The following PMFBP1 variants were observed in gnomAD, a reference collection of about 807,000 sequenced individuals.
The protein encoded by PMFBP1 is polyamine-modulated factor 1-binding protein 1.
A neutral mutation model predicts 137.8 loss-of-function variants in PMFBP1; 131 were observed. The observed-to-expected ratio is 0.95, with a 90% CI of 0.82 to 1.10. The LOEUF (loss-of-function observed/expected upper bound fraction) is 1.10. Among genes scored for constraint, PMFBP1 ranks in the 50% least tolerant of loss-of-function variants. The probability of loss-of-function intolerance (pLI) is 0.00; values close to 1 mark genes in which losing one functional copy is unlikely to be tolerated. For synonymous variants in PMFBP1, 490 were observed against 450.4 expected, an observed-to-expected ratio of 1.09 and a Z score of -1.11; for missense variants, 1,199 against 1,175.4, an observed-to-expected ratio of 1.02 and a Z score of -0.29.
At chr16:72,201,099 G>T in the PMFBP1 span, among the ~76,000 whole-genome samples, 1 of 152,188 alleles carries the variant, frequency 6.6e-6, no homozygotes, top group Non-Finnish European at 1.5e-5. Context: ...GAGCTCTCAA[G>T]ACTGGTGCAG....
At chr16:72,167,201 T>C (rs901487667) in intron 2 of PMFBP1, among the ~76,000 whole-genome samples, 1 of 152,216 alleles carries the variant, frequency 6.6e-6, no homozygotes, top group Non-Finnish European at 1.5e-5. Context: ...GAATTGGACA[T>C]TGCAATGTCA....
intron 2 of PMFBP1, among the ~76,000 whole-genome samples, chr16:72,167,109 A>T (rs139471120): frequency 6.6e-6 from 1 of 152,304 alleles, no homozygotes; most frequent in African/African-American, 2.4e-5. Context: ...CCTGATATGG[A>T]CATCGTAAAT....
intron 10 of PMFBP1, among the ~76,000 whole-genome samples, chr16:72,132,357 T>A (rs952250120): frequency 6.6e-6 from 1 of 151,900 alleles, no homozygotes; most frequent in Non-Finnish European, 1.5e-5. Context: ...AGAAATGTAT[T>A]TGGGGGCAAA....
rs373552286 is a variant in PMFBP1, at chr16:72,125,974, G to C, written c.2247C>G (p.Leu749=). 3 of 1,614,064 alleles carry C rather than the reference G, an allele frequency of 1.9e-6. No individual in the cohort carries two copies. The highest frequency in any genetic ancestry group is 2.5e-6 in the Non-Finnish European group (3 of 1,179,974). Residue 749 remains leucine, a synonymous_variant, in exon 15 of 21, where the codon CTC becomes CTG. Coordinates refer to ENST00000237353, the MANE Select transcript of PMFBP1 (RefSeq NM_031293.3). ...CTAGAGGGTGTGGCCTCACCTTCTC[G>C]AGGGCTTGTGTCAGGTCATCCTGGC... ...AACQDDLTQA[L]EKLNHVTSET... is the part of the protein sequence containing the mutation.
the PMFBP1 span, among the ~76,000 whole-genome samples, chr16:72,236,057 C>A: frequency 1.3e-5 from 2 of 152,060 alleles, no homozygotes; most frequent in Non-Finnish European, 2.9e-5. Context: ...TAGATGTTTT[C>A]TCTTGTTCCT....
the PMFBP1 span, among the ~76,000 whole-genome samples, chr16:72,231,056 GAT>G: frequency 1.3e-5 from 2 of 152,144 alleles, no homozygotes; most frequent in Non-Finnish European, 2.9e-5. Context: ...AACAATGAAT[GAT>G]ATATCAGTTC....
chr16:72,247,996 A>C, the PMFBP1 span, among the ~76,000 whole-genome samples: 2 of 152,206 alleles, frequency 1.3e-5, no homozygotes, highest in African/African-American at 4.8e-5. Flanking sequence ...TTTTCCAACC[A>C]AACATCTGCC....
chr16:72,139,346 A>G lies in PMFBP1; in HGVS notation c.861T>C (p.Cys287=). Residue 287 remains cysteine (C), a synonymous_variant, in exon 7 of 21, where the codon TGT becomes TGC. Coordinates refer to ENST00000237353, the MANE Select transcript of PMFBP1 (RefSeq NM_031293.3). ...LIKLQADFAS[C]TATHRYPPSS... is the part of the protein sequence containing the mutation. Reference sequence around the variant, plus strand: ...TAGGAGGGTATCTGTGGGTGGCTGTACAGGAAGCAAAATCGGCTTGTAGTT... The same window carrying G: ...TAGGAGGGTATCTGTGGGTGGCTGTGCAGGAAGCAAAATCGGCTTGTAGTT... The G allele has an allele frequency of 6.2e-7, 1 of 1,614,180 alleles. No individual in the cohort carries two copies.
chr16:72,211,648 G>T, the PMFBP1 span, among the ~76,000 whole-genome samples: 1 of 152,290 alleles, frequency 6.6e-6, no homozygotes, highest in East Asian at 1.9e-4. Flanking sequence ...TTGAGAAGAT[G>T]TTATGCAAAG....
At chr16:72,176,262 G>A (rs955052296), upstream of PMFBP1, among the ~76,000 whole-genome samples, 1 of 152,188 alleles carries the variant, frequency 6.6e-6, no homozygotes, top group African/African-American at 2.4e-5. Flanking sequence ...AGGAGCAGGA[G>A]AAGGAATCCA....
chr16:72,145,851 A>G (rs1249820688), intron 5 of PMFBP1, among the ~76,000 whole-genome samples: 1 of 152,252 alleles, frequency 6.6e-6, no homozygotes, highest in Non-Finnish European at 1.5e-5. Flanking sequence ...ATCTCTGAAT[A>G]GACCAATAAC....
chr16:72,216,569 G>A, the PMFBP1 span, among the ~76,000 whole-genome samples: 3 of 152,258 alleles, frequency 2.0e-5, no homozygotes, highest in Middle Eastern at 3.4e-3. Context: ...CAGACTATTA[G>A]TAATGTGTGT....
chr16:72,246,646 C>G, the PMFBP1 span, among the ~76,000 whole-genome samples: 1 of 152,058 alleles, frequency 6.6e-6, no homozygotes, highest in Non-Finnish European at 1.5e-5. Flanking sequence ...GTGAGGCTTC[C>G]TGTCTTCTCA....
In PMFBP1 at chr16:72,123,595, C is replaced by T; in HGVS notation, c.2644G>A (p.Gly882Arg). Residue 882 changes from glycine (G) to arginine (R), a missense_variant, in exon 18 of 21, where the codon GGG becomes AGG. Physicochemically the swap from Gly to Arg is moderately radical, Grantham distance 125. Coordinates refer to ENST00000237353, the MANE Select transcript of PMFBP1 (RefSeq NM_031293.3). ...VPKDTCRLYR[G>R]NDQIMTNLEQ... ...AAGTTGGTCATAATCTGATCATTCC[C>T]TCGGTAGAGCCTACAGGTGTCTTTG... 1.2e-6 allele frequency: 2 copies of T among 1,614,174 alleles called. No individual in the cohort carries two copies. The highest frequency in any genetic ancestry group is 1.7e-6 in the Non-Finnish European group (2 of 1,180,004).
chr16:72,189,690 C>T, the PMFBP1 span, among the ~76,000 whole-genome samples: 1 of 152,134 alleles, frequency 6.6e-6, no homozygotes, highest in Non-Finnish European at 1.5e-5. Flanking sequence ...GGTCTTCCTG[C>T]CTGCTGCAAA....
the PMFBP1 span, among the ~76,000 whole-genome samples, chr16:72,183,172 C>A: frequency 6.6e-6 from 1 of 152,234 alleles, no homozygotes; most frequent in Non-Finnish European, 1.5e-5. Flanking sequence ...CCTAGTTCCT[C>A]TATGAAGTAG....
intron 2 of PMFBP1, among the ~76,000 whole-genome samples, chr16:72,170,246 GGTATGAAGTTCT>G (rs1453133500): frequency 1.3e-5 from 2 of 151,246 alleles, no homozygotes; most frequent in Non-Finnish European, 2.9e-5. Context: ...CCACAGAACT[GGTATGAAGTTCT>G]GTATGGCTCC....
At chr16:72,201,299 C>T in the PMFBP1 span, among the ~76,000 whole-genome samples, 91 of 152,290 alleles carry the variant, frequency 6.0e-4, no homozygotes, top group East Asian at 0.016. Context: ...GAACAATTAT[C>T]CTCAGAATAA....
At position 72,138,794 on chromosome 16, in the gene PMFBP1, G is replaced by A. The variant is rs138972289; in HGVS notation, c.918+495C>T. On this transcript the variant is annotated intron_variant, in intron 7 of 20. Coordinates refer to ENST00000237353, the MANE Select transcript of PMFBP1 (RefSeq NM_031293.3). ...GCCTCCCAAAGTTCTGGGGTTACTG[G>A]CATGAGCCACCACACCTGGCCACTC... is the stretch of plus-strand genomic sequence containing the variant. 3.3e-3 allele frequency among the ~76,000 whole-genome samples: 495 copies of A among 151,964 alleles called. 1 individual carries two copies. Among genetic ancestry groups the A allele is most frequent in the African/African-American group, 0.012 (486 of 41,410 alleles).
Sources: gnomAD v4.1 joint callset for allele counts (sites outside exome capture counted in the v4.1 genomes callset) on GRCh38, gnomAD v4.1.1 for gene constraint, MANE v1.5 for transcripts, NCBI Gene and HGNC (gene_info 2026-07-23, HGNC 2026-07-21) for gene names.